The following ECH1 variants were observed in gnomAD, a reference collection of about 807,000 sequenced individuals.
ECH1 encodes enoyl-CoA hydratase 1, also known as delta(3,5)-Delta(2,4)-dienoyl-CoA isomerase, mitochondrial.
A neutral mutation model predicts 37.0 loss-of-function variants in ECH1; 30 were observed. That is an observed-to-expected ratio of 0.81 (90% CI 0.61 to 1.10). The LOEUF is 1.10. Among genes scored for constraint, ECH1 ranks in the 50% least tolerant of loss-of-function variants. The pLI is 0.00. For synonymous variants in ECH1, 178 were observed against 176.0 expected (o/e 1.01, Z -0.09); for missense variants, 456 against 441.6 (o/e 1.03, Z -0.29).
chr19:38,823,831 G>C (rs1411369683), intron 3 of ECH1, among the ~76,000 whole-genome samples: 2 of 152,094 alleles, frequency 1.3e-5, no homozygotes, highest in African/African-American at 4.8e-5. Flanking sequence ...TCTCTTCTCC[G>C]AGTTTAGTCC....
intron 3 of ECH1, among the ~76,000 whole-genome samples, chr19:38,824,771 T>G (rs1367947508): frequency 6.6e-6 from 1 of 152,194 alleles, no homozygotes. Flanking sequence ...CTTACCACCA[T>G]ATCCTAGCCT....
chr19:38,830,912 C>A, intron 3 of ECH1, 166 bp downstream of exon 3: 1 of 623,974 alleles, frequency 1.6e-6, no homozygotes, highest in Non-Finnish European at 2.8e-6. Context: ...GCTGAGATTG[C>A]GCTACTGCAC....
Position 38,831,608 on chromosome 19 carries a change from C to T in ECH1, c.53-92G>A, listed in dbSNP as rs990171523. The T allele has an allele frequency of 1.9e-5, 30 of 1,564,364 alleles. No individual in the cohort carries two copies. Among genetic ancestry groups the T allele is most frequent in the Non-Finnish European group, 2.6e-5 (30 of 1,148,292 alleles). Reference sequence around the variant, plus strand: ...TCCTTCAAAAGGGAGCACACGCACCCCTGAATTTAGGGGACTCGGGCCCTT... The same window carrying T: ...TCCTTCAAAAGGGAGCACACGCACCTCTGAATTTAGGGGACTCGGGCCCTT... On this transcript the variant is annotated intron_variant, in intron 1 of 9. Coordinates refer to ENST00000221418, the MANE Select transcript of ECH1 (RefSeq NM_001398.3).
At chr19:38,816,615 G>C in intron 6 of ECH1, 92 bp from the exon 7 acceptor site, 1 of 1,435,372 alleles carries the variant, frequency 7.0e-7, no homozygotes. Context: ...CTACTGGAGA[G>C]TCCCGCCCCA....
chr19:38,830,973 TG>T, intron 3 of ECH1, 104 bp downstream of exon 3: 1 of 937,300 alleles, frequency 1.1e-6, no homozygotes, highest in Admixed American at 2.8e-5. Context: ...AAAAAAAAAG[TG>T]TGTAAGTCAG....
intron 7 of ECH1, 35 bp downstream of exon 7, chr19:38,816,409 GCTCTGGGGT>G: frequency 6.2e-7 from 1 of 1,613,860 alleles, no homozygotes; most frequent in South Asian, 1.1e-5. Context: ...GCTGGGAGAT[GCTCTGGGGT>G]CTCCTGCCCA....
At chr19:38,818,802 C>G (rs1476581042) in intron 3 of ECH1, among the ~76,000 whole-genome samples, 1 of 152,172 alleles carries the variant, frequency 6.6e-6, no homozygotes, top group Non-Finnish European at 1.5e-5. Flanking sequence ...CTCTTTTTCC[C>G]ACCTGTGGCT....
intron 3 of ECH1, among the ~76,000 whole-genome samples, chr19:38,823,893 C>T (rs999827226): frequency 9.9e-5 from 15 of 152,132 alleles, no homozygotes; most frequent in Non-Finnish European, 1.9e-4. Context: ...CCTATAAGAA[C>T]GACTTCTAGA....
intron 3 of ECH1, among the ~76,000 whole-genome samples, chr19:38,827,606 G>A (rs539361855): frequency 7.2e-5 from 11 of 152,314 alleles, no homozygotes; most frequent in Admixed American, 2.6e-4. Flanking sequence ...GAGCCAGAGC[G>A]AGGAGTCCCG....
At chr19:38,818,168 T>A in intron 3 of ECH1, 1 of 953,446 alleles carries the variant, frequency 1.0e-6, no homozygotes, top group Non-Finnish European at 1.2e-6. Context: ...AGAAGTAGGA[T>A]TTTAAAATCT....
rs779400012 is a variant in ECH1, at chr19:38,831,522, GAGAAAGGA to G, written c.53-14_53-7del. ...GTAGTTGGAGCCTGTCAGTCCTGGG[GAGAAAGGA>G]ACAGCCTTTGATGACCCCAGACTGC... is the stretch of plus-strand genomic sequence containing the variant. On this transcript the variant is annotated splice_polypyrimidine_tract_variant and splice_region_variant and intron_variant, in intron 1 of 9. Coordinates refer to ENST00000221418, the MANE Select transcript of ECH1 (RefSeq NM_001398.3). 1 of 1,612,048 alleles carries G rather than the reference GAGAAAGGA, an allele frequency of 6.2e-7. No individual in the cohort carries two copies. Among genetic ancestry groups the G allele is most frequent in the Non-Finnish European group, 8.5e-7 (1 of 1,178,814 alleles).
Position 38,831,072 on chromosome 19 carries a change from T to C in ECH1, c.349+6A>G. 6.2e-7 allele frequency: 1 copy of C among 1,613,702 alleles called. No homozygotes were observed. The highest frequency in any genetic ancestry group is 8.5e-7 in the Non-Finnish European group (1 of 1,179,726). On this transcript the variant is annotated splice_donor_region_variant and intron_variant, in intron 3 of 9. Coordinates refer to ENST00000221418, the MANE Select transcript of ECH1 (RefSeq NM_001398.3). ...GCTGGCAGGGTGTGTGAAGAGCGTCTGGTACCTGCAGTGAACATTTTTCCT... is the reference window on the plus strand; with the variant it reads ...GCTGGCAGGGTGTGTGAAGAGCGTCCGGTACCTGCAGTGAACATTTTTCCT...
chr19:38,823,337 C>G (rs116903186), intron 3 of ECH1: 1 of 154,876 alleles, frequency 6.5e-6, no homozygotes, highest in Non-Finnish European at 1.4e-5. Flanking sequence ...TATTACCTAT[C>G]GCCAAGCGGT....
At chr19:38,829,188 G>A (rs1971780868) in intron 3 of ECH1, among the ~76,000 whole-genome samples, 1 of 150,060 alleles carries the variant, frequency 6.7e-6, no homozygotes. Context: ...AGGAGGCTCA[G>A]GCAGGAGAAT....
intron 3 of ECH1, among the ~76,000 whole-genome samples, chr19:38,821,558 G>C (rs1971662401): frequency 6.6e-6 from 1 of 152,190 alleles, no homozygotes; most frequent in Non-Finnish European, 1.5e-5. Flanking sequence ...CAAGTTCCGG[G>C]TGGGTGTGAG....
chr19:38,828,587 T>C (rs978720359), intron 3 of ECH1, among the ~76,000 whole-genome samples: 6 of 151,354 alleles, frequency 4.0e-5, no homozygotes, highest in African/African-American at 1.5e-4. Context: ...GACCCAGATG[T>C]TGAGATTAGA....
chr19:38,816,416 G>C, intron 7 of ECH1, 37 bp downstream of exon 7: 1 of 1,613,836 alleles, frequency 6.2e-7, no homozygotes, highest in Non-Finnish European at 8.5e-7. Context: ...GATGCTCTGG[G>C]GTCTCCTGCC....
chr19:38,826,943 AG>A (rs911579305), intron 3 of ECH1, among the ~76,000 whole-genome samples: 3 of 151,940 alleles, frequency 2.0e-5, no homozygotes, highest in African/African-American at 7.3e-5. Flanking sequence ...TCTAGGTCAA[AG>A]GCCCAGCTTT....
chr19:38,831,266 C>T, intron 2 of ECH1, 43 bp downstream of exon 2: 1 of 1,605,620 alleles, frequency 6.2e-7, no homozygotes, highest in Non-Finnish European at 8.5e-7. Flanking sequence ...CCCGCAGCCC[C>T]GCCTCCCCCC....
Sources: gnomAD v4.1 joint callset for allele counts (sites outside exome capture counted in the v4.1 genomes callset) on GRCh38, gnomAD v4.1.1 for gene constraint, MANE v1.5 for transcripts, NCBI Gene and HGNC (gene_info 2026-07-23, HGNC 2026-07-21) for gene names.